Variants in LYPLAL1 observed in about 807,000 individuals in gnomAD.
LYPLAL1 encodes the protein lysophospholipase like 1, also known as lysophospholipase-like protein 1.
A neutral mutation model predicts 19.7 loss-of-function variants in LYPLAL1; 23 were observed. The observed-to-expected ratio is 1.17, with a 90% CI of 0.84 to 1.65. The LOEUF (loss-of-function observed/expected upper bound fraction) is 1.65. LYPLAL1 is among the 40% of genes most tolerant of loss of function. The pLI, the probability that LYPLAL1 is intolerant of heterozygous loss-of-function variation, is 0.00. For missense variants in LYPLAL1, 355 were observed against 279.4 expected (o/e 1.27, Z -1.93); for synonymous variants, 119 against 96.3 (o/e 1.24, Z -1.38).
the LYPLAL1 span, among the ~76,000 whole-genome samples, chr1:219,255,432 T>A: frequency 6.6e-6 from 1 of 151,970 alleles, no homozygotes; most frequent in Non-Finnish European, 1.5e-5. Context: ...TATACAAATA[T>A]AATGTTTTTA....
the LYPLAL1 span, among the ~76,000 whole-genome samples, chr1:219,390,618 A>T: frequency 6.6e-6 from 1 of 152,208 alleles, no homozygotes; most frequent in Non-Finnish European, 1.5e-5. Flanking sequence ...GCATCAAGAG[A>T]ATCATTTACA....
At chr1:219,258,228 T>C in the LYPLAL1 span, among the ~76,000 whole-genome samples, 2 of 152,078 alleles carry the variant, frequency 1.3e-5, no homozygotes, top group African/African-American at 4.8e-5. Flanking sequence ...CATTTTACAA[T>C]CAATTTGTAC....
the LYPLAL1 span, among the ~76,000 whole-genome samples, chr1:219,223,622 A>G: frequency 6.6e-6 from 1 of 152,136 alleles, no homozygotes; most frequent in South Asian, 2.1e-4. Flanking sequence ...AATAGAATTA[A>G]TGGTTCCATG....
chr1:219,208,792 A>T (rs557906862), intron 3 of LYPLAL1, among the ~76,000 whole-genome samples: 143 of 152,220 alleles, frequency 9.4e-4, no homozygotes, highest in Non-Finnish European at 1.7e-3. Flanking sequence ...TAAAGAGAAA[A>T]CTTCATAAGC....
At chr1:219,359,980 C>G in the LYPLAL1 span, among the ~76,000 whole-genome samples, 1 of 152,326 alleles carries the variant, frequency 6.6e-6, no homozygotes, top group South Asian at 2.1e-4. Flanking sequence ...CTCTAATAGT[C>G]AGCCATCTTT....
At chr1:219,268,639 A>C in the LYPLAL1 span, among the ~76,000 whole-genome samples, 1 of 73,866 alleles carries the variant, frequency 1.4e-5, no homozygotes, top group South Asian at 4.8e-4. Flanking sequence ...TAAATAAAAA[A>C]CAAGTCCATA....
At chr1:219,282,904 G>A in the LYPLAL1 span, among the ~76,000 whole-genome samples, 1 of 152,014 alleles carries the variant, frequency 6.6e-6, no homozygotes, top group East Asian at 1.9e-4. Context: ...TGTGTAGTAG[G>A]TCTAGAGAAT....
chr1:219,226,929 C>T, the LYPLAL1 span, among the ~76,000 whole-genome samples: 1 of 152,080 alleles, frequency 6.6e-6, no homozygotes, highest in Non-Finnish European at 1.5e-5. Flanking sequence ...ACTTGCAAAA[C>T]CAATTCAATA....
chr1:219,353,452 T>C, the LYPLAL1 span, among the ~76,000 whole-genome samples: 1 of 152,152 alleles, frequency 6.6e-6, no homozygotes, highest in Non-Finnish European at 1.5e-5. Context: ...TTTCTAAAAG[T>C]GGCACAGTGC....
intron 2 of LYPLAL1, among the ~76,000 whole-genome samples, chr1:219,192,506 A>G (rs375479033): frequency 1.3e-4 from 19 of 151,646 alleles, no homozygotes; most frequent in African/African-American, 4.1e-4. Flanking sequence ...AGGGCATGCC[A>G]AGGGATAAGG....
intron 3 of LYPLAL1, among the ~76,000 whole-genome samples, chr1:219,208,420 C>A (rs563155899): frequency 1.3e-5 from 2 of 152,040 alleles, no homozygotes; most frequent in South Asian, 4.2e-4. Flanking sequence ...AGGACTAGAA[C>A]TAGTTTCCTT....
At chr1:219,289,360 A>C in the LYPLAL1 span, among the ~76,000 whole-genome samples, 1 of 152,138 alleles carries the variant, frequency 6.6e-6, no homozygotes, top group Non-Finnish European at 1.5e-5. Context: ...GTAAATTGTG[A>C]AGTGCTGTAT....
the LYPLAL1 span, among the ~76,000 whole-genome samples, chr1:219,291,757 G>A: frequency 0.36 from 53,707 of 150,894 alleles, 9,957 homozygotes; most frequent in Non-Finnish European, 0.41. Flanking sequence ...CCTGTCACAG[G>A]GTTACAAATG....
At chr1:219,327,909 C>A in the LYPLAL1 span, among the ~76,000 whole-genome samples, 31 of 152,262 alleles carry the variant, frequency 2.0e-4, no homozygotes, top group Admixed American at 2.0e-3. Flanking sequence ...TCCATTAAAC[C>A]TCTTTCCTTT....
At chr1:219,443,923 C>A in the LYPLAL1 span, among the ~76,000 whole-genome samples, 8 of 152,188 alleles carry the variant, frequency 5.3e-5, no homozygotes, top group African/African-American at 1.9e-4. Context: ...TTGCAGGGCC[C>A]ACTCATACAT....
chr1:219,380,325 A>G, the LYPLAL1 span, among the ~76,000 whole-genome samples: 1 of 152,090 alleles, frequency 6.6e-6, no homozygotes, highest in Non-Finnish European at 1.5e-5. Flanking sequence ...GGAGAGAGGG[A>G]AGGAAGGATG....
the LYPLAL1 span, among the ~76,000 whole-genome samples, chr1:219,229,294 TGAGAGAGAGAGAGAGAGAGAGAGA>T: frequency 1.7e-3 from 226 of 133,026 alleles, no homozygotes; most frequent in African/African-American, 6.0e-3. Context: ...ACAAGCATTT[TGAGAGAGAGAGAGAGAGAGAGAGA>T]GAGAGAGAGA....
the LYPLAL1 span, among the ~76,000 whole-genome samples, chr1:219,320,494 G>A: frequency 2.6e-5 from 4 of 152,062 alleles, no homozygotes; most frequent in African/African-American, 9.7e-5. Flanking sequence ...ACAACGTGCA[G>A]GTTTGTTACT....
chr1:219,235,610 C>T, the LYPLAL1 span, among the ~76,000 whole-genome samples: 13 of 152,176 alleles, frequency 8.5e-5, no homozygotes, highest in Admixed American at 5.2e-4. Flanking sequence ...TACATGCGTA[C>T]GCACATATAG....
Sources: gnomAD v4.1 joint callset for allele counts (sites outside exome capture counted in the v4.1 genomes callset) on GRCh38, gnomAD v4.1.1 for gene constraint, MANE v1.5 for transcripts, NCBI Gene and HGNC (gene_info 2026-07-23, HGNC 2026-07-21) for gene names.